ANKRD26: variants seen among roughly 807,000 people sequenced by gnomAD.
ANKRD26 encodes ankyrin repeat domain-containing protein 26.
Under a neutral mutation model 208.7 loss-of-function variants are expected in ANKRD26, and 141 were observed. The ratio of observed to expected loss-of-function variants is 0.68; its 90% CI spans 0.59 to 0.78. ANKRD26 has a LOEUF of 0.78. ANKRD26 is among the 30% of genes least tolerant of loss of function. ANKRD26 has a pLI of 0.00. For synonymous variants in ANKRD26, 636 were observed against 660.4 expected (o/e 0.96, Z 0.57); for missense variants, 1,889 against 1,938.7 (o/e 0.97, Z 0.48).
chr10:27,022,734 C>A, intron 28 of ANKRD26, 47 bp from the exon 29 acceptor site: 1 of 1,504,348 alleles, frequency 6.6e-7, no homozygotes, highest in Non-Finnish European at 9.1e-7. Context: ...AAAAGGCAAA[C>A]ATTTAATAAT....
intron 5 of ANKRD26, among the ~76,000 whole-genome samples, chr10:26,980,312 G>T (rs941718543): frequency 6.6e-6 from 1 of 152,302 alleles, no homozygotes; most frequent in African/African-American, 2.4e-5. Flanking sequence ...GGGACTTGTT[G>T]TCATCCTATT....
chr10:27,009,489 G>A (rs1219655813), intron 32 of ANKRD26, among the ~76,000 whole-genome samples: 1 of 152,000 alleles, frequency 6.6e-6, no homozygotes, highest in African/African-American at 2.4e-5. Context: ...ATTGTCTCCA[G>A]TTAAATAACT....
chr10:27,047,342 T>C (rs2054484190), intron 17 of ANKRD26, among the ~76,000 whole-genome samples: 1 of 152,144 alleles, frequency 6.6e-6, no homozygotes, highest in Non-Finnish European at 1.5e-5. Context: ...AATAATGGGC[T>C]GGTCACGGAG....
chr10:27,084,146 G>T (rs2056027578), intron 5 of ANKRD26, among the ~76,000 whole-genome samples: 1 of 150,346 alleles, frequency 6.7e-6, no homozygotes, highest in South Asian at 2.1e-4. Context: ...CCAGAAGGCG[G>T]AGGTTGCAGT....
At chr10:27,046,270 T>C in intron 18 of ANKRD26, 83 bp downstream of exon 18, 2 of 1,329,504 alleles carry the variant, frequency 1.5e-6, no homozygotes, top group African/African-American at 2.9e-5. Flanking sequence ...TCTCTAGCTT[T>C]GGGAGACTAC....
chr10:26,983,142 G>A (rs78423135), intron 3 of ANKRD26, among the ~76,000 whole-genome samples: 2 of 152,280 alleles, frequency 1.3e-5, no homozygotes, highest in African/African-American at 4.8e-5. Context: ...CAAAGAGATA[G>A]CCATGCAGCT....
chr10:27,048,890 A>G lies in ANKRD26; in HGVS notation c.1725T>C (p.Asp575=), dbSNP rs1247948056. 1.2e-6 allele frequency: 2 copies of G among 1,613,048 alleles called. No individual in the cohort carries two copies. The highest frequency in any genetic ancestry group is 2.2e-5 in the South Asian group (2 of 90,992). The part of the protein sequence containing the change: ...HDGATDDAED[D]DDDDGLIQKR... Reference sequence around the variant, plus strand: ...TTTGAATTAATCCATCATCATCATCATCATCTTCAGCATCATCAGTAGCAC... The same window carrying G: ...TTTGAATTAATCCATCATCATCATCGTCATCTTCAGCATCATCAGTAGCAC... Residue 575 remains aspartate (D), a synonymous_variant, in exon 17 of 34, where the codon GAT becomes GAC. Transcript: ENST00000376087.
At chr10:27,016,321 G>T (rs1312207949) in intron 30 of ANKRD26, among the ~76,000 whole-genome samples, 3 of 152,034 alleles carry the variant, frequency 2.0e-5, no homozygotes, top group Non-Finnish European at 4.4e-5. Context: ...ATTTGAGACG[G>T]AGTCTAGCTC....
downstream of ANKRD26, among the ~76,000 whole-genome samples, chr10:26,971,491 A>G (rs2052141907): frequency 6.6e-6 from 1 of 151,994 alleles, no homozygotes; most frequent in Non-Finnish European, 1.5e-5. Flanking sequence ...TCTGGCCAAC[A>G]TGGTAAAACC....
chr10:26,963,311 C>G, the ANKRD26 span, among the ~76,000 whole-genome samples: 3 of 152,180 alleles, frequency 2.0e-5, no homozygotes, highest in African/African-American at 7.2e-5. Context: ...TTCCTGCAAA[C>G]TGACCTAGGC....
At chr10:26,963,523 T>C in the ANKRD26 span, among the ~76,000 whole-genome samples, 4 of 152,164 alleles carry the variant, frequency 2.6e-5, no homozygotes, top group Non-Finnish European at 4.4e-5. Flanking sequence ...CATTCCTGGA[T>C]AGCACATTGA....
chr10:27,030,491 T>C, intron 25 of ANKRD26: 4 of 985,422 alleles, frequency 4.1e-6, no homozygotes, highest in Non-Finnish European at 2.4e-6. Flanking sequence ...TGAGCTGCTT[T>C]AGCGAGCACT....
chr10:27,080,617 A>G (rs1408473634), intron 6 of ANKRD26: 1 of 984,708 alleles, frequency 1.0e-6, no homozygotes, highest in Non-Finnish European at 1.2e-6. Flanking sequence ...AGTACTATCT[A>G]AACACCTTCC....
At chr10:27,030,624 G>C in intron 25 of ANKRD26, 1 of 979,796 alleles carries the variant, frequency 1.0e-6, no homozygotes, top group Non-Finnish European at 1.2e-6. Context: ...AAATGGAAAT[G>C]TAGATTTCTT....
rs540170080 is a variant in ANKRD26, at chr10:27,054,077, C to T, written c.1565-687G>A. ...TTAGAGCTATCTTCCCCCAGATAAA[C>T]AGGTGTCTCCTTCCTTGGGGCTGCC... On this transcript the variant is annotated intron_variant, in intron 15 of 33. Transcript: ENST00000376087. Among the ~76,000 whole-genome samples, 6 of 152,280 alleles carry T rather than the reference C, an allele frequency of 3.9e-5. No individual in the cohort carries two copies. The East Asian group carries it at 7.7e-4, about 20-fold the overall frequency.
downstream of ANKRD26, among the ~76,000 whole-genome samples, chr10:27,000,500 G>A (rs1319072518): frequency 6.6e-6 from 1 of 151,760 alleles, no homozygotes; most frequent in African/African-American, 2.4e-5. Context: ...TGTGTATATG[G>A]GAAATCCAAG....
intron 17 of ANKRD26, among the ~76,000 whole-genome samples, chr10:27,047,739 A>AATAATT (rs1356208709): frequency 0.031 from 1,512 of 49,252 alleles, 27 homozygotes; most frequent in African/African-American, 0.054. Flanking sequence ...TAATAATAAT[A>AATAATT]ATTATTATTA....
chr10:27,050,683 T>C (rs534902637), intron 16 of ANKRD26, among the ~76,000 whole-genome samples: 1 of 152,306 alleles, frequency 6.6e-6, no homozygotes, highest in Admixed American at 6.5e-5. Flanking sequence ...TATTGCCATG[T>C]TGTTGTTTAA....
chr10:27,014,523 A>C lies in ANKRD26; in HGVS notation c.4695T>G (p.Val1565=). 1 of 1,587,654 alleles carries C rather than the reference A, an allele frequency of 6.3e-7. No homozygotes were observed. The highest frequency in any genetic ancestry group is 2.2e-5 in the East Asian group (1 of 44,604). ...TTAGTTTACTTGACAAAGATTTTCT[A>C]ACTTTTAATTCTTCTAGATAGAGTT... ...YKQLYLEELK[V]RKSLSSKLTK... Residue 1565 remains valine (V), a synonymous_variant, in exon 31 of 34, where the codon GTT becomes GTG. Transcript: ENST00000376087.
Sources: gnomAD v4.1 joint callset for allele counts (sites outside exome capture counted in the v4.1 genomes callset) on GRCh38, gnomAD v4.1.1 for gene constraint, MANE v1.5 for transcripts, NCBI Gene and HGNC (gene_info 2026-07-23, HGNC 2026-07-21) for gene names.